Variants in MTCL2 observed in about 807,000 individuals in gnomAD.
MTCL2 encodes the protein microtubule cross-linking factor 2.
the MTCL2 span, chr20:36,809,912 T>C: frequency 5.2e-6 from 8 of 1,534,746 alleles, no homozygotes; most frequent in African/African-American, 8.2e-5. Flanking sequence ...CCATAGATCC[T>C]CAAGGCCTCT....
chr20:36,855,263 G>A, the MTCL2 span, among the ~76,000 whole-genome samples: 3 of 152,330 alleles, frequency 2.0e-5, no homozygotes, highest in East Asian at 1.9e-4. Context: ...TGACGAGACC[G>A]AGGCTCAGAA....
At chr20:36,792,835 TATAGATAGATAG>T in the MTCL2 span, among the ~76,000 whole-genome samples, 13 of 148,988 alleles carry the variant, frequency 8.7e-5, no homozygotes, top group Non-Finnish European at 1.6e-4. Flanking sequence ...TATATAGATA[TATAGATAGATAG>T]ATAGATAGAT....
chr20:36,792,775 A>G, the MTCL2 span, among the ~76,000 whole-genome samples: 4 of 152,218 alleles, frequency 2.6e-5, no homozygotes, highest in Admixed American at 6.5e-5. Context: ...CTAGACCAGC[A>G]TAAGAACTTC....
the MTCL2 span, chr20:36,796,872 AT>A: frequency 6.2e-7 from 1 of 1,613,878 alleles, no homozygotes; most frequent in Non-Finnish European, 8.5e-7. Context: ...GGGGACCAGC[AT>A]GCAAGCACCT....
the MTCL2 span, among the ~76,000 whole-genome samples, chr20:36,802,567 T>G: frequency 6.6e-6 from 1 of 152,194 alleles, no homozygotes; most frequent in African/African-American, 2.4e-5. Flanking sequence ...TGCTAAGCTG[T>G]AAGATATGAG....
chr20:36,797,444 G>A, the MTCL2 span: 2 of 1,529,350 alleles, frequency 1.3e-6, no homozygotes, highest in South Asian at 1.2e-5. Flanking sequence ...CCCACAAGCA[G>A]GGACCTTTAT....
At chr20:36,850,354 C>A in the MTCL2 span, among the ~76,000 whole-genome samples, 1 of 152,064 alleles carries the variant, frequency 6.6e-6, no homozygotes, top group Non-Finnish European at 1.5e-5. Flanking sequence ...CATGGCGAAA[C>A]CGTCTCTATA....
chr20:36,785,841 G>C, the MTCL2 span: 183 of 985,644 alleles, frequency 1.9e-4, 3 homozygotes, highest in South Asian at 7.7e-3. Flanking sequence ...CCAGGCTATG[G>C]GCAGGGAGAT....
chr20:36,792,658 G>A, the MTCL2 span, among the ~76,000 whole-genome samples: 3 of 152,120 alleles, frequency 2.0e-5, no homozygotes, highest in Non-Finnish European at 4.4e-5. Context: ...TCTCTGGTGG[G>A]TGGAGCAAAA....
At chr20:36,780,556 C>G in the MTCL2 span, 1 of 152,188 alleles carries the variant, frequency 6.6e-6, no homozygotes, top group Admixed American at 6.5e-5. Context: ...TATTGTCCCC[C>G]ACCCCAGGGC....
the MTCL2 span, among the ~76,000 whole-genome samples, chr20:36,807,374 G>A: frequency 2.0e-5 from 3 of 152,176 alleles, no homozygotes; most frequent in Admixed American, 1.3e-4. Context: ...CTGGACAGGG[G>A]ACTACAGAGA....
chr20:36,821,260 G>A, the MTCL2 span, among the ~76,000 whole-genome samples: 8 of 152,144 alleles, frequency 5.3e-5, no homozygotes, highest in African/African-American at 1.4e-4. Context: ...AGTGGCTCAC[G>A]CCTATAATCC....
At chr20:36,795,834 C>T in the MTCL2 span, among the ~76,000 whole-genome samples, 1 of 152,056 alleles carries the variant, frequency 6.6e-6, no homozygotes, top group African/African-American at 2.4e-5. Flanking sequence ...CTAGAGATAG[C>T]ACAGAGTTAA....
the MTCL2 span, chr20:36,817,455 T>C: frequency 6.3e-7 from 1 of 1,579,780 alleles, no homozygotes; most frequent in Non-Finnish European, 8.6e-7. Flanking sequence ...GGGTTCCTCT[T>C]TTCTTCAAGG....
chr20:36,808,550 C>T, the MTCL2 span: 1 of 1,607,312 alleles, frequency 6.2e-7, no homozygotes, highest in Non-Finnish European at 8.5e-7. Flanking sequence ...CAAAACCTTG[C>T]CCTGCCGCCA....
the MTCL2 span, chr20:36,793,856 G>C: frequency 6.5e-7 from 1 of 1,547,664 alleles, no homozygotes; most frequent in Non-Finnish European, 8.7e-7. This position sits in a 1 kb window ranked among gnomAD's most constrained non-coding sequence, Gnocchi z 6.8. Context: ...CACGAGCGAA[G>C]AGCTGCGGGG....
the MTCL2 span, among the ~76,000 whole-genome samples, chr20:36,841,607 C>G: frequency 6.6e-6 from 1 of 152,110 alleles, no homozygotes; most frequent in South Asian, 2.1e-4. Context: ...GAGGCCAGGG[C>G]AGCTACTGGG....
the MTCL2 span, among the ~76,000 whole-genome samples, chr20:36,857,415 G>A: frequency 6.6e-6 from 1 of 152,120 alleles, no homozygotes; most frequent in Admixed American, 6.5e-5. Context: ...TCTCTAATCT[G>A]TCTGGAGGCG....
At chr20:36,856,543 C>T in the MTCL2 span, among the ~76,000 whole-genome samples, 5 of 152,280 alleles carry the variant, frequency 3.3e-5, no homozygotes, top group Non-Finnish European at 7.3e-5. Flanking sequence ...GTCCACTTCA[C>T]TCAGCCCCAC....
Sources: allele counts gnomAD v4.1 joint callset (sites outside exome capture counted in the v4.1 genomes callset), GRCh38; gene constraint gnomAD v4.1.1; non-coding constraint Gnocchi (gnomAD v3.1); transcripts MANE v1.5; gene names NCBI Gene and HGNC (gene_info 2026-07-23, HGNC 2026-07-21).